TP63: variants seen among roughly 807,000 people sequenced by gnomAD.
TP63 encodes tumor protein 63.
Under a neutral mutation model 82.8 loss-of-function variants are expected in TP63, and 17 were observed. The observed-to-expected ratio is 0.21, with a 90% CI of 0.14 to 0.31. The LOEUF (loss-of-function observed/expected upper bound fraction) is 0.31. Among genes scored for constraint, TP63 ranks in the 10% least tolerant of loss-of-function variants. TP63 has a pLI of 1.00. For synonymous variants in TP63, 330 were observed against 321.7 expected (o/e 1.03, Z -0.28); for missense variants, 648 against 895.3 (o/e 0.72, Z 3.52).
intron 1 of TP63, among the ~76,000 whole-genome samples, chr3:189,730,297 G>T (rs1720066728): frequency 6.6e-6 from 1 of 152,134 alleles, no homozygotes; most frequent in African/African-American, 2.4e-5. Flanking sequence ...ATCTGCAGAA[G>T]GGCAAGCATT....
At chr3:189,769,818 A>C (rs1463601855) in intron 3 of TP63, among the ~76,000 whole-genome samples, 1 of 152,164 alleles carries the variant, frequency 6.6e-6, no homozygotes, top group African/African-American at 2.4e-5. Flanking sequence ...TTTTAATGCT[A>C]ATTTGTTTTC....
In TP63 at chr3:189,677,616, A is replaced by G. The variant is rs1159849711; in HGVS notation, c.62+46039A>G. ...CTTTTCCTTTGGGTCAGTATCCAGT[A>G]GTGGGGTTACTGGATTTAATGGTAG... On this transcript the variant is annotated intron_variant, in intron 1 of 13. Transcript: ENST00000264731. Among the ~76,000 whole-genome samples the G allele has an allele frequency of 1.3e-4, 19 of 151,804 alleles. No individual in the cohort carries two copies. The Admixed American group carries it at 1.3e-3, about 10-fold the overall frequency.
intron 3 of TP63, among the ~76,000 whole-genome samples, chr3:189,796,271 T>C (rs919298589): frequency 1.3e-5 from 2 of 152,044 alleles, no homozygotes; most frequent in East Asian, 1.9e-4. Context: ...AGGATACATG[T>C]GTAAGATGTA....
chr3:189,737,324 T>A (rs1720666674), intron 1 of TP63, among the ~76,000 whole-genome samples: 1 of 152,160 alleles, frequency 6.6e-6, no homozygotes, highest in Non-Finnish European at 1.5e-5. Flanking sequence ...TCTTACATGC[T>A]GGTGGCAGAA....
chr3:189,895,801 T>A lies in TP63; in HGVS notation c.*1299T>A, dbSNP rs891345011. On this transcript the variant is annotated 3_prime_UTR_variant, in exon 14 of 14. Transcript: ENST00000264731. ...TCTCTAAGGTTTACAATAGGAGTGG[T>A]GATTTGAAAAATATAAAATTATGAG... The A allele has an allele frequency of 4.4e-6, 1 of 226,292 alleles. No homozygotes were observed. The highest frequency in any genetic ancestry group is 8.8e-6 in the Non-Finnish European group (1 of 113,910). The allele number at this position is 226,292 out of a possible 1,614,324, so 14.0% of individuals were successfully genotyped here.
the TP63 span, among the ~76,000 whole-genome samples, chr3:189,601,768 G>A: frequency 1.3e-5 from 2 of 152,084 alleles, no homozygotes; most frequent in African/African-American, 2.4e-5. Context: ...TCTACTGAAT[G>A]TTAAATTATT....
chr3:189,700,729 G>C (rs1717740314), intron 1 of TP63, among the ~76,000 whole-genome samples: 1 of 152,132 alleles, frequency 6.6e-6, no homozygotes, highest in Admixed American at 6.6e-5. Context: ...TGAGCAGCTG[G>C]TACATAGAGA....
intron 1 of TP63, among the ~76,000 whole-genome samples, chr3:189,686,626 T>TA (rs1473421914): frequency 2.6e-4 from 32 of 123,846 alleles, no homozygotes; most frequent in Non-Finnish European, 4.5e-4. Flanking sequence ...CCCAAGAGCT[T>TA]AAAAAAATGA....
At position 189,868,572 on chromosome 3, in the gene TP63, A is replaced by T. The variant is rs2108806087; in HGVS notation, c.993-8A>T. The T allele has an allele frequency of 6.2e-7, 1 of 1,613,900 alleles. No individual in the cohort carries two copies. The highest frequency in any genetic ancestry group is 1.1e-5 in the South Asian group (1 of 91,058). The stretch of plus-strand genomic sequence containing the variant: ...TAACTCTTTCTTCCCCTTTATTCTA[A>T]TTCCTAGTGGGCAAGTCCTGGGCCG... On this transcript the variant is annotated splice_polypyrimidine_tract_variant and splice_region_variant and intron_variant, in intron 7 of 13. Coordinates refer to ENST00000264731, the MANE Select transcript of TP63 (RefSeq NM_003722.5).
the TP63 span, among the ~76,000 whole-genome samples, chr3:189,611,840 C>A: frequency 6.6e-6 from 1 of 152,074 alleles, no homozygotes; most frequent in African/African-American, 2.4e-5. Context: ...AGAGATCTTT[C>A]ACCTCCCTGG....
chr3:189,751,046 A>G (rs1721783340), intron 3 of TP63, among the ~76,000 whole-genome samples: 2 of 151,806 alleles, frequency 1.3e-5, no homozygotes, highest in African/African-American at 2.4e-5. Flanking sequence ...TTCAGTTCCC[A>G]CCTATGAGTG....
chr3:189,613,857 C>T, the TP63 span, among the ~76,000 whole-genome samples: 1 of 152,156 alleles, frequency 6.6e-6, no homozygotes, highest in South Asian at 2.1e-4. Flanking sequence ...GGCCCTGTAA[C>T]CCCTTTGTTT....
chr3:189,781,179 T>TAA (rs142875545), intron 3 of TP63, among the ~76,000 whole-genome samples: 229 of 152,250 alleles, frequency 1.5e-3, no homozygotes, highest in African/African-American at 5.4e-3. Context: ...AGTGGAACTT[T>TAA]AAAAAATATA....
intron 1 of TP63, among the ~76,000 whole-genome samples, chr3:189,661,794 C>T (rs1713908849): frequency 1.3e-5 from 2 of 151,964 alleles, no homozygotes; most frequent in South Asian, 4.1e-4. Flanking sequence ...CTGCTTCAAT[C>T]CTGAGAGGTT....
At chr3:189,671,539 A>G (rs1714892507) in intron 1 of TP63, among the ~76,000 whole-genome samples, 2 of 152,136 alleles carry the variant, frequency 1.3e-5, no homozygotes, top group African/African-American at 4.8e-5. Flanking sequence ...ACTACAGGGT[A>G]TTTATTCAAA....
At chr3:189,632,247 G>A (rs1729506495) in intron 1 of TP63, among the ~76,000 whole-genome samples, 1 of 152,122 alleles carries the variant, frequency 6.6e-6, no homozygotes, top group African/African-American at 2.4e-5. Flanking sequence ...AAAGTTATGG[G>A]AGATATTCAA....
the TP63 span, among the ~76,000 whole-genome samples, chr3:189,608,346 C>T: frequency 6.6e-6 from 1 of 152,146 alleles, no homozygotes; most frequent in Non-Finnish European, 1.5e-5. Flanking sequence ...ATCCTCCTAG[C>T]TCATCTGTCA....
At chr3:189,714,874 C>T (rs116456152) in intron 1 of TP63, among the ~76,000 whole-genome samples, 91 of 152,032 alleles carry the variant, frequency 6.0e-4, no homozygotes, top group African/African-American at 2.2e-3. Flanking sequence ...AACAAAAATC[C>T]AAGAACTCAA....
At chr3:189,787,598 A>C (rs1025227586) in intron 3 of TP63, among the ~76,000 whole-genome samples, 6 of 152,080 alleles carry the variant, frequency 3.9e-5, no homozygotes, top group Admixed American at 6.6e-5. Flanking sequence ...TGACTTTTTC[A>C]TCTTTCAAAT....
Sources: allele counts gnomAD v4.1 joint callset (sites outside exome capture counted in the v4.1 genomes callset), GRCh38; gene constraint gnomAD v4.1.1; transcripts MANE v1.5; gene names NCBI Gene and HGNC (gene_info 2026-07-23, HGNC 2026-07-21).